TMEM177: variants seen among roughly 807,000 people sequenced by gnomAD.
TMEM177 encodes the protein transmembrane protein 177.
A neutral mutation model predicts 14.2 loss-of-function variants in TMEM177; 4 were observed. That is an observed-to-expected ratio of 0.28 (90% CI 0.14 to 0.64). The LOEUF is 0.64. Ranked by LOEUF, TMEM177 falls within the 30% of genes least tolerant of loss-of-function variation. TMEM177 has a pLI of 0.82. For synonymous variants in TMEM177, 179 were observed against 174.5 expected (o/e 1.03, Z -0.20); for missense variants, 344 against 405.2 (o/e 0.85, Z 1.30).
chr2:119,693,977 A>G, the TMEM177 span, among the ~76,000 whole-genome samples: 1 of 151,436 alleles, frequency 6.6e-6, no homozygotes, highest in Non-Finnish European at 1.5e-5. Context: ...ACACAAACAC[A>G]TACCACATAC....
chr2:119,685,604 A>G, downstream of TMEM177: 2 of 714,866 alleles, frequency 2.8e-6, no homozygotes, highest in Non-Finnish European at 5.2e-6. Context: ...ACATTTTCTC[A>G]TTTATTCCCA....
At chr2:119,721,866 C>T in the TMEM177 span, among the ~76,000 whole-genome samples, 5 of 152,116 alleles carry the variant, frequency 3.3e-5, no homozygotes, top group South Asian at 2.1e-4. Context: ...TTATTGTGCC[C>T]GCTTATGTCA....
At chr2:119,685,576 T>G (rs1270526982), downstream of TMEM177, 14 of 704,808 alleles carry the variant, frequency 2.0e-5, no homozygotes, top group Non-Finnish European at 3.7e-5. Context: ...CTCCAGACAC[T>G]GTGCTAGGTT....
the TMEM177 span, among the ~76,000 whole-genome samples, chr2:119,710,954 C>T: frequency 6.6e-6 from 1 of 152,172 alleles, no homozygotes; most frequent in Admixed American, 6.5e-5. Context: ...CCCACAAAAC[C>T]TGCAAAGAAG....
At chr2:119,720,032 G>A in the TMEM177 span, among the ~76,000 whole-genome samples, 1 of 152,064 alleles carries the variant, frequency 6.6e-6, no homozygotes, top group South Asian at 2.1e-4. Flanking sequence ...CTGACCTCAA[G>A]CAATCCTCCC....
In TMEM177 at chr2:119,680,839, G is replaced by T; in HGVS notation, c.-15G>T. ...CTCTTTTTCTTGGCCCAGATTGTCC[G>T]CAGTGACTACACTCATGGCAGGTCC... On this transcript the variant is annotated 5_prime_UTR_variant, in exon 2 of 2. Transcript: ENST00000272521. 2 of 1,603,976 alleles carry T rather than the reference G, an allele frequency of 1.2e-6. No individual in the cohort carries two copies. Among genetic ancestry groups the T allele is most frequent in the Non-Finnish European group, 1.7e-6 (2 of 1,172,848 alleles).
chr2:119,722,394 A>AT, the TMEM177 span, among the ~76,000 whole-genome samples: 1 of 150,010 alleles, frequency 6.7e-6, no homozygotes, highest in Admixed American at 6.7e-5. Context: ...AAAAAAAAAA[A>AT]GGAAAAGGAA....
chr2:119,709,983 C>T, the TMEM177 span, among the ~76,000 whole-genome samples: 1 of 151,928 alleles, frequency 6.6e-6, no homozygotes, highest in Admixed American at 6.6e-5. Context: ...CCGCCGGGGA[C>T]TGGGGAAAGG....
At chr2:119,698,274 T>A in the TMEM177 span, among the ~76,000 whole-genome samples, 1 of 152,296 alleles carries the variant, frequency 6.6e-6, no homozygotes, top group African/African-American at 2.4e-5. Context: ...GGTCAAAGTG[T>A]TCCTTCTGGA....
At chr2:119,717,474 A>G in the TMEM177 span, among the ~76,000 whole-genome samples, 5 of 152,242 alleles carry the variant, frequency 3.3e-5, no homozygotes, top group South Asian at 6.2e-4. Context: ...TTATGAGTGT[A>G]GATGTGGGTT....
rs988848832 is a variant in TMEM177 at position 119,680,832 on chromosome 2, A to G, written c.-22A>G. 1 of 1,597,726 alleles carries G rather than the reference A, an allele frequency of 6.3e-7. No individual in the cohort carries two copies. Among genetic ancestry groups the G allele is most frequent in the Admixed American group, 1.7e-5 (1 of 59,070 alleles). On this transcript the variant is annotated splice_region_variant and 5_prime_UTR_variant, in exon 2 of 2. Coordinates refer to ENST00000272521, the MANE Select transcript of TMEM177 (RefSeq NM_030577.3). ...CTGACTTCTCTTTTTCTTGGCCCAGATTGTCCGCAGTGACTACACTCATGG... is the reference window on the plus strand; with the variant it reads ...CTGACTTCTCTTTTTCTTGGCCCAGGTTGTCCGCAGTGACTACACTCATGG...
chr2:119,721,418 G>C, the TMEM177 span, among the ~76,000 whole-genome samples: 1 of 152,216 alleles, frequency 6.6e-6, no homozygotes, highest in African/African-American at 2.4e-5. Context: ...CTTAGGTCTT[G>C]TCCTATGCTC....
chr2:119,713,138 T>C, the TMEM177 span, among the ~76,000 whole-genome samples: 66,162 of 151,480 alleles, frequency 0.44, 14,534 homozygotes, highest in African/African-American at 0.5. Flanking sequence ...GGCGCAATCT[T>C]GGCTCACTGC....
the TMEM177 span, among the ~76,000 whole-genome samples, chr2:119,713,163 G>C: frequency 6.6e-6 from 1 of 151,674 alleles, no homozygotes; most frequent in East Asian, 1.9e-4. Context: ...TCTGCCTCCC[G>C]GGTTCAAGTG....
chr2:119,711,115 C>T, the TMEM177 span, among the ~76,000 whole-genome samples: 2 of 152,164 alleles, frequency 1.3e-5, no homozygotes, highest in Non-Finnish European at 2.9e-5. Flanking sequence ...ACGATAGGTG[C>T]CTGGCTCGAG....
chr2:119,709,681 C>T, the TMEM177 span, among the ~76,000 whole-genome samples: 2 of 151,960 alleles, frequency 1.3e-5, no homozygotes, highest in Non-Finnish European at 2.9e-5. Flanking sequence ...AAAAATTAGC[C>T]GGGTGTAGTG....
chr2:119,683,793 C>T (rs1014491417), downstream of TMEM177, among the ~76,000 whole-genome samples: 4 of 152,200 alleles, frequency 2.6e-5, no homozygotes, highest in African/African-American at 4.8e-5. Context: ...TGCATTGCTC[C>T]GCCTTGCTGC....
the TMEM177 span, among the ~76,000 whole-genome samples, chr2:119,697,629 C>T: frequency 6.6e-6 from 1 of 152,206 alleles, no homozygotes; most frequent in Non-Finnish European, 1.5e-5. Flanking sequence ...TAAAGCACTG[C>T]AGGCCCCCCT....
At chr2:119,693,862 A>G in the TMEM177 span, among the ~76,000 whole-genome samples, 1 of 1,088 alleles carries the variant, frequency 9.2e-4, no homozygotes, top group African/African-American at 3.5e-3. Flanking sequence ...CACACATCAC[A>G]TGCCACAAAC....
Sources: allele counts gnomAD v4.1 joint callset (sites outside exome capture counted in the v4.1 genomes callset), GRCh38; gene constraint gnomAD v4.1.1; transcripts MANE v1.5; gene names NCBI Gene and HGNC (gene_info 2026-07-23, HGNC 2026-07-21).